PKD1L1: variants seen among roughly 807,000 people sequenced by gnomAD.
The protein encoded by PKD1L1 is polycystin-1-like protein 1.
Under a neutral mutation model 323.4 loss-of-function variants are expected in PKD1L1, and 236 were observed. The observed-to-expected ratio is 0.73, with a 90% CI of 0.66 to 0.81. The LOEUF (loss-of-function observed/expected upper bound fraction) is 0.81, where lower values mean the gene tolerates loss of function less well. Among genes scored for constraint, PKD1L1 ranks in the 40% least tolerant of loss-of-function variants. The probability of loss-of-function intolerance (pLI) is 0.00; values close to 1 mark genes in which losing one functional copy is unlikely to be tolerated. For synonymous variants in PKD1L1, 1,344 were observed against 1,335.0 expected (o/e 1.01, Z -0.15); for missense variants, 3,320 against 3,508.0 (o/e 0.95, Z 1.35).
the PKD1L1 span, among the ~76,000 whole-genome samples, chr7:47,959,412 G>C: frequency 6.7e-6 from 1 of 149,108 alleles, no homozygotes; most frequent in African/African-American, 2.5e-5. Context: ...CATCTAGGAA[G>C]TGAGGAGCGT....
In PKD1L1 at chr7:47,879,632, C is replaced by CAA. The variant is rs1254218793; in HGVS notation, c.3520+1094_3520+1095dup. 5.4e-3 allele frequency among the ~76,000 whole-genome samples: 319 copies of CAA among 58,654 alleles called. 42 individuals are homozygous for CAA. The highest frequency in any genetic ancestry group is 0.016 in the African/African-American group (234 of 14,552). The allele number at this position is 58,654 out of a possible 152,430, so 38.5% of individuals were successfully genotyped here. A position where few individuals can be genotyped will look rare whatever the true frequency, so the allele number is the denominator to read the frequency against. ...TGGGCAACAGAGCAAGACTTTGTCT[C>CAA]AAAAAAAAAAAAAAAAAAAGGCCAG... On this transcript the variant is annotated intron_variant, in intron 21 of 56. Transcript: ENST00000289672.
chr7:47,865,186 A>G (rs916985371), intron 26 of PKD1L1, 30 bp downstream of exon 26: 2 of 1,570,890 alleles, frequency 1.3e-6, no homozygotes, highest in Non-Finnish European at 1.7e-6. Context: ...ATAAAATAGG[A>G]AAATATTTCT....
chr7:47,776,466 C>A (rs2128720286), intron 56 of PKD1L1, among the ~76,000 whole-genome samples: 2 of 152,350 alleles, frequency 1.3e-5, no homozygotes, highest in Middle Eastern at 3.4e-3. Context: ...AGCTCTGATG[C>A]ACCCTGATTT....
At position 47,847,738 on chromosome 7, in the gene PKD1L1, A is replaced by G. The variant is rs1785695076; in HGVS notation, c.4961-667T>C. 2.0e-5 allele frequency among the ~76,000 whole-genome samples: 3 copies of G among 152,190 alleles called. No homozygotes were observed. The South Asian group carries it at 6.2e-4, about 32-fold the overall frequency. On this transcript the variant is annotated intron_variant, in intron 31 of 56. Transcript: ENST00000289672. ...ATAAACATTAGCAAATCAGATATCT[A>G]AATATGAAAGAAAAAACAAAAACAA... is the stretch of plus-strand genomic sequence containing the variant.
chr7:47,948,261 C>T, intron 1 of PKD1L1, 136 bp downstream of exon 1: 4 of 996,966 alleles, frequency 4.0e-6, no homozygotes, highest in Non-Finnish European at 6.1e-6. Context: ...CGGCCAAATG[C>T]ACCCTCCTGG....
intron 54 of PKD1L1, among the ~76,000 whole-genome samples, chr7:47,796,681 A>G (rs922497757): frequency 7.9e-5 from 12 of 152,118 alleles, no homozygotes; most frequent in Non-Finnish European, 1.3e-4. Context: ...TACACATCCA[A>G]TTGTTTAAAA....
At chr7:47,808,645 T>C (rs2348462) in intron 51 of PKD1L1, among the ~76,000 whole-genome samples, 6,098 of 152,344 alleles carry the variant, frequency 0.04, 279 homozygotes, top group East Asian at 0.2. Context: ...AGCGTGTTCC[T>C]GTACTGAATA....
At chr7:47,948,620 A>T (rs1383510190), upstream of PKD1L1, 1 of 602,732 alleles carries the variant, frequency 1.7e-6, no homozygotes, top group Non-Finnish European at 2.9e-6. Context: ...CCAAGCAGAA[A>T]CAGCTTTTGT....
intron 24 of PKD1L1, among the ~76,000 whole-genome samples, chr7:47,868,275 A>C (rs1786208755): frequency 6.6e-6 from 1 of 152,190 alleles, no homozygotes; most frequent in African/African-American, 2.4e-5. Context: ...AGGCTGAGGC[A>C]GGAGAATTGC....
intron 7 of PKD1L1, among the ~76,000 whole-genome samples, chr7:47,919,935 C>T (rs866822723): frequency 2.0e-5 from 3 of 152,118 alleles, no homozygotes; most frequent in Non-Finnish European, 4.4e-5. Context: ...AAGTTGAAAG[C>T]ATTCCCTCTG....
At chr7:47,949,749 G>A (rs891210795), upstream of PKD1L1, among the ~76,000 whole-genome samples, 1 of 152,188 alleles carries the variant, frequency 6.6e-6, no homozygotes, top group South Asian at 2.1e-4. Flanking sequence ...GAGTGGGAAC[G>A]TTTTCAGGCA....
chr7:47,948,553 C>CT (rs1180337259), upstream of PKD1L1: 18 of 979,978 alleles, frequency 1.8e-5, no homozygotes, highest in Non-Finnish European at 2.2e-5. Context: ...CTTGTGACCT[C>CT]TTATCAGGAC....
rs57098310 is a variant in PKD1L1, at chr7:47,879,935, A to AC, written c.3520+792_3520+793insG. On this transcript the variant is annotated intron_variant, in intron 21 of 56. Coordinates refer to ENST00000289672, the MANE Select transcript of PKD1L1 (RefSeq NM_138295.5). ...GCAACAGAGGGACTCCGTCTCAACAAAAAAATAAAAAATAAAAAAAAAAAT... is the reference window on the plus strand; with the variant it reads ...GCAACAGAGGGACTCCGTCTCAACAACAAAAATAAAAAATAAAAAAAAAAAT... 6.4e-3 allele frequency among the ~76,000 whole-genome samples: 952 copies of AC among 147,624 alleles called. 14 individuals carry two copies. Among genetic ancestry groups the AC allele is most frequent in the African/African-American group, 0.022 (887 of 39,766 alleles).
At chr7:47,943,241 A>G (rs1235208238) in intron 2 of PKD1L1, among the ~76,000 whole-genome samples, 155 bp downstream of exon 2, 1 of 150,594 alleles carries the variant, frequency 6.6e-6, no homozygotes, top group Non-Finnish European at 1.5e-5. Flanking sequence ...AGTTAGAGGC[A>G]CTTGCAAAAC....
rs531004148 is a variant in PKD1L1, at chr7:47,948,352, T to G, written c.44+45A>C. The G allele has an allele frequency of 5.0e-6, 8 of 1,610,496 alleles. No homozygotes were observed. The Admixed American group carries it at 6.7e-5, about 13-fold the overall frequency. On this transcript the variant is annotated intron_variant, in intron 1 of 56. Coordinates refer to ENST00000289672, the MANE Select transcript of PKD1L1 (RefSeq NM_138295.5). The stretch of plus-strand genomic sequence containing the variant: ...GAAAGAAAATTTCTGAATGCATACT[T>G]TAAAATCAAGCTTACCAAACCCTCT...
At chr7:47,790,435 A>T (rs1479393621) in intron 56 of PKD1L1, among the ~76,000 whole-genome samples, 2 of 151,254 alleles carry the variant, frequency 1.3e-5, no homozygotes, top group African/African-American at 2.4e-5. Context: ...GGTTCACGCT[A>T]TTCTCCTGCC....
In PKD1L1 at chr7:47,931,202, G is replaced by C; in HGVS notation, c.639C>G (p.Val213=). ...CCACCTTGGTGGGGGTCTCCATCGT[G>C]ACAGTCCCAGGAAGCAGCCCCGTGG... ...DVATGLLPGT[V]TMETPTKVAR... is the part of the protein sequence containing the mutation. Residue 213 remains valine (V), a synonymous_variant, in exon 6 of 57, where the codon GTC becomes GTG. Coordinates refer to ENST00000289672, the MANE Select transcript of PKD1L1 (RefSeq NM_138295.5). The C allele has an allele frequency of 3.1e-6, 5 of 1,614,220 alleles. No homozygotes were observed. Among genetic ancestry groups the C allele is most frequent in the Non-Finnish European group, 4.2e-6 (5 of 1,180,038 alleles).
Position 47,931,929 on chromosome 7 carries a change from TACCA to T in PKD1L1, c.519+3_519+6del, listed in dbSNP as rs1377200645. The T allele has an allele frequency of 2.1e-5, 33 of 1,609,390 alleles. No homozygotes were observed. Among genetic ancestry groups the T allele is most frequent in the Non-Finnish European group, 2.5e-5 (29 of 1,177,598 alleles). ...ATGAAATTCAATTGCAGGGGTTAGA[TACCA>T]ACCTGGAGAAGAGCAGAGAATGTGC... On this transcript the variant is annotated splice_donor_5th_base_variant and intron_variant, in intron 5 of 56. Transcript: ENST00000289672.
At position 47,946,826 on chromosome 7, in the gene PKD1L1, C is replaced by T. The variant is rs986638941; in HGVS notation, c.44+1571G>A. Among the ~76,000 whole-genome samples the T allele has an allele frequency of 6.9e-6, 1 of 144,388 alleles. No homozygotes were observed. Among genetic ancestry groups the T allele is most frequent in the Non-Finnish European group, 1.5e-5 (1 of 67,992 alleles). 94.7% of individuals were successfully genotyped at this position (144,388 alleles called of 152,430 possible). On this transcript the variant is annotated intron_variant, in intron 1 of 56. Transcript: ENST00000289672. The surrounding 1 kb of genome is among the most constrained non-coding windows in gnomAD (Gnocchi z 4.1). ...GGCTATGACTTCAGAAATGGGGCCT[C>T]GACACCAATTACAATGGCTAGTGCG...
Sources: gnomAD v4.1 joint callset for allele counts (sites outside exome capture counted in the v4.1 genomes callset) on GRCh38, gnomAD v4.1.1 for gene constraint, Gnocchi (gnomAD v3.1) non-coding constraint, MANE v1.5 for transcripts, NCBI Gene and HGNC (gene_info 2026-07-23, HGNC 2026-07-21) for gene names.